The following TBC1D5 variants were observed in gnomAD, a reference collection of about 807,000 sequenced individuals.
TBC1D5 encodes the protein TBC1 domain family, member 5.
A neutral mutation model predicts 100.3 loss-of-function variants in TBC1D5; 75 were observed. The ratio of observed to expected loss-of-function variants is 0.75; its 90% confidence interval spans 0.62 to 0.91. TBC1D5 has a LOEUF of 0.91. Ranked by LOEUF, TBC1D5 falls within the 40% of genes least tolerant of loss-of-function variation. TBC1D5 has a pLI of 0.00. For synonymous variants in TBC1D5, 323 were observed against 325.6 expected (o/e 0.99, Z 0.09); for missense variants, 910 against 942.4 (o/e 0.97, Z 0.45).
intron 3 of TBC1D5, among the ~76,000 whole-genome samples, chr3:17,474,591 C>A (rs559067719): frequency 6.6e-6 from 1 of 152,056 alleles, no homozygotes; most frequent in East Asian, 1.9e-4. Context: ...TAATAAAGAA[C>A]GACTCCAATC....
At chr3:17,687,557 G>A (rs1216964513) in intron 1 of TBC1D5, among the ~76,000 whole-genome samples, 1 of 152,088 alleles carries the variant, frequency 6.6e-6, no homozygotes, top group Non-Finnish European at 1.5e-5. Context: ...ATGTCCAGAA[G>A]AAGAAAATCA....
chr3:17,161,696 T>TA lies in TBC1D5; in HGVS notation c.2095-441dup, dbSNP rs563101389. Among the ~76,000 whole-genome samples, 51 of 152,382 alleles carry TA rather than the reference T, an allele frequency of 3.3e-4. 1 individual carries two copies. The South Asian group carries it at 5.8e-3, about 17-fold the overall frequency. On this transcript the variant is annotated intron_variant, in intron 21 of 21. Coordinates refer to ENST00000253692, the Ensembl canonical transcript of TBC1D5. ...AGGGATAAAGACAGTGTCTTCCTCC[T>TA]AATGTGTTGTCATGATATAGTGAGA...
At position 17,537,884 on chromosome 3, in the gene TBC1D5, G is replaced by A. The variant is rs1443230503; in HGVS notation, c.-35-29279C>T. Among the ~76,000 whole-genome samples, 2 of 152,134 alleles carry A rather than the reference G, an allele frequency of 1.3e-5. 1 individual carries two copies. The highest frequency in any genetic ancestry group is 2.9e-5 in the Non-Finnish European group (2 of 68,012). ...CTCGTTCAACTTAGAAGTTTATTTT[G>A]CCAAGGCTAAGGACGTGCCTGTGAC... On this transcript the variant is annotated intron_variant, in intron 2 of 21. Coordinates refer to ENST00000253692, the Ensembl canonical transcript of TBC1D5.
chr3:17,375,350 C>T (rs1169480645), intron 10 of TBC1D5, among the ~76,000 whole-genome samples: 10 of 151,876 alleles, frequency 6.6e-5, no homozygotes, highest in Admixed American at 3.3e-4. Flanking sequence ...GGGTAGATCA[C>T]GAGGTCAAGA....
intron 2 of TBC1D5, among the ~76,000 whole-genome samples, chr3:17,543,867 T>G (rs967548227): frequency 4.3e-4 from 62 of 145,650 alleles, no homozygotes; most frequent in Non-Finnish European, 6.5e-4. Context: ...AAGTTGTTTG[T>G]TTTTTTTTTC....
In TBC1D5 at chr3:17,443,508, A is replaced by G. The variant is rs183876282; in HGVS notation, c.98-14989T>C. ...CACTTTTGGTTTCCTTTTTCCTTTA[A>G]AATCCTGCTTGTAACAAAGGCTGAG... On this transcript the variant is annotated intron_variant, in intron 3 of 21. Coordinates refer to ENST00000253692, the Ensembl canonical transcript of TBC1D5. Among the ~76,000 whole-genome samples the G allele has an allele frequency of 1.2e-3, 186 of 152,260 alleles. 4 individuals are homozygous for G. The highest frequency in any genetic ancestry group is 0.012 in the Admixed American group (186 of 15,300).
Position 17,496,674 on chromosome 3 carries a change from A to G in TBC1D5, c.97+11800T>C, listed in dbSNP as rs928194938. Among the ~76,000 whole-genome samples, 10 of 152,180 alleles carry G rather than the reference A, an allele frequency of 6.6e-5. No individual in the cohort carries two copies. The East Asian group carries it at 1.7e-3, about 26-fold the overall frequency. On this transcript the variant is annotated intron_variant, in intron 3 of 21. Transcript: ENST00000253692. ...AATGTTGAGAATGGGGAAACAAACC[A>G]ACTGGTGTGGACTGCAACGTGAAAA...
chr3:17,414,021 A>C (rs2094002917), intron 4 of TBC1D5, among the ~76,000 whole-genome samples: 1 of 152,230 alleles, frequency 6.6e-6, no homozygotes, highest in African/African-American at 2.4e-5. Flanking sequence ...GAAAAAAGAG[A>C]TAAGGTAGAA....
chr3:17,545,620 A>G (rs2096407288), intron 2 of TBC1D5, among the ~76,000 whole-genome samples: 1 of 152,248 alleles, frequency 6.6e-6, no homozygotes, highest in African/African-American at 2.4e-5. Context: ...GACTTATTAT[A>G]TAAGAAAACA....
intron 8 of TBC1D5, among the ~76,000 whole-genome samples, chr3:17,398,979 GT>G (rs2093579235): frequency 6.6e-6 from 1 of 152,066 alleles, no homozygotes; most frequent in Admixed American, 6.6e-5. Context: ...ACTGGAAAAT[GT>G]TTCATAAACT....
At chr3:17,584,238 T>G (rs557018081) in intron 2 of TBC1D5, among the ~76,000 whole-genome samples, 1 of 152,338 alleles carries the variant, frequency 6.6e-6, no homozygotes, top group East Asian at 1.9e-4. Flanking sequence ...TACTTTGGCA[T>G]GATGGAAATG....
intron 3 of TBC1D5, among the ~76,000 whole-genome samples, chr3:17,490,243 G>A (rs939511333): frequency 6.6e-6 from 1 of 151,962 alleles, no homozygotes; most frequent in Non-Finnish European, 1.5e-5. Context: ...CTAGATTTTA[G>A]ACCTTTGTCA....
chr3:17,164,794 T>C (rs1274143793), intron 21 of TBC1D5, among the ~76,000 whole-genome samples: 2 of 152,226 alleles, frequency 1.3e-5, no homozygotes, highest in East Asian at 3.8e-4. Flanking sequence ...GAAGGCCCCA[T>C]GCACTTGGCT....
At chr3:17,588,546 C>T (rs1477678087) in intron 2 of TBC1D5, among the ~76,000 whole-genome samples, 6 of 151,034 alleles carry the variant, frequency 4.0e-5, no homozygotes, top group African/African-American at 1.2e-4. Flanking sequence ...CATCTGTTTT[C>T]ATATTTTCCT....
At chr3:17,311,748 T>C (rs997734296) in intron 13 of TBC1D5, among the ~76,000 whole-genome samples, 1 of 152,006 alleles carries the variant, frequency 6.6e-6, no homozygotes, top group Non-Finnish European at 1.5e-5. Context: ...CATAGTAACC[T>C]TACAAGAACA....
chr3:17,409,266 G>C (rs2093856823), intron 4 of TBC1D5, among the ~76,000 whole-genome samples: 1 of 152,118 alleles, frequency 6.6e-6, no homozygotes, highest in Non-Finnish European at 1.5e-5. Flanking sequence ...TATGTGATCA[G>C]TGATCTCTGA....
intron 16 of TBC1D5, among the ~76,000 whole-genome samples, chr3:17,248,150 C>T (rs2076895621): frequency 1.3e-5 from 2 of 152,174 alleles, no homozygotes; most frequent in African/African-American, 4.8e-5. Context: ...CGCCACCACA[C>T]CCAGCTAATT....
At chr3:17,336,574 A>C (rs1413289005) in intron 13 of TBC1D5, among the ~76,000 whole-genome samples, 1 of 152,114 alleles carries the variant, frequency 6.6e-6, no homozygotes, top group African/African-American at 2.4e-5. Context: ...AAAGAAAGAG[A>C]AAATGATAAA....
At chr3:17,305,504 G>A (rs963889104) in intron 14 of TBC1D5, among the ~76,000 whole-genome samples, 2 of 152,100 alleles carry the variant, frequency 1.3e-5, no homozygotes, top group African/African-American at 4.8e-5. Flanking sequence ...TGGCATCTGT[G>A]GTGATGGTTT....
Sources: gnomAD v4.1 joint callset for allele counts (sites outside exome capture counted in the v4.1 genomes callset) on GRCh38, gnomAD v4.1.1 for gene constraint, MANE v1.5 for transcripts, NCBI Gene and HGNC (gene_info 2026-07-23, HGNC 2026-07-21) for gene names.